Variants in YJU2B observed in about 807,000 individuals in gnomAD.
YJU2B encodes YJU2 splicing factor homolog B.
In YJU2B, 18 loss-of-function variants were observed where a neutral mutation model predicts 38.0. The observed-to-expected ratio is 0.47, with a 90% CI of 0.33 to 0.70. The LOEUF (loss-of-function observed/expected upper bound fraction) is 0.70, where lower values mean the gene tolerates loss of function less well. Ranked by LOEUF, YJU2B falls within the 30% of genes least tolerant of loss-of-function variation. The pLI is 0.02. For synonymous variants in YJU2B, 246 were observed against 225.4 expected (o/e 1.09, Z -0.82); for missense variants, 538 against 556.3 (o/e 0.97, Z 0.33).
upstream of YJU2B, among the ~76,000 whole-genome samples, chr19:13,745,694 T>TAGATAGATAGATAGATAG (rs1555699820): frequency 8.1e-5 from 3 of 37,138 alleles, no homozygotes; most frequent in Non-Finnish European, 1.6e-4. Flanking sequence ...TAGATAGATA[T>TAGATAGATAGATAGATAG]AGATATATAG....
At chr19:13,758,829 G>A in intron 6 of YJU2B, 39 bp from the exon 7 acceptor site, 1 of 1,611,788 alleles carries the variant, frequency 6.2e-7, no homozygotes, top group Non-Finnish European at 8.5e-7. Context: ...CTGGTGCACA[G>A]CCACAGCCTC....
upstream of YJU2B, among the ~76,000 whole-genome samples, chr19:13,747,052 A>T (rs1259502318): frequency 6.6e-6 from 1 of 152,208 alleles, no homozygotes; most frequent in African/African-American, 2.4e-5. Context: ...CTTGCAGGTA[A>T]TAAAAGTTGT....
intron 1 of YJU2B, among the ~76,000 whole-genome samples, chr19:13,748,934 G>A (rs906209590): frequency 6.6e-6 from 1 of 151,884 alleles, no homozygotes; most frequent in Non-Finnish European, 1.5e-5. Context: ...TTATATCCGG[G>A]ACTTTGCACC....
chr19:13,745,389 G>A (rs572335904), upstream of YJU2B, among the ~76,000 whole-genome samples: 173 of 152,090 alleles, frequency 1.1e-3, no homozygotes, highest in African/African-American at 4.1e-3. Context: ...GAGGCCGGGC[G>A]CAGTGGCTCA....
chr19:13,755,233 CAGGTGGA>C (rs1259635407), intron 3 of YJU2B, among the ~76,000 whole-genome samples: 2 of 150,908 alleles, frequency 1.3e-5, no homozygotes, highest in African/African-American at 4.9e-5. Context: ...GAGGCCAAGG[CAGGTGGA>C]TCACCAGGTC....
chr19:13,743,759 G>A (rs139428331), upstream of YJU2B, among the ~76,000 whole-genome samples: 318 of 150,460 alleles, frequency 2.1e-3, 2 homozygotes, highest in African/African-American at 7.2e-3. Flanking sequence ...CGGATGCGGT[G>A]GCACATGCCT....
chr19:13,758,758 T>C, intron 6 of YJU2B, 110 bp from the exon 7 acceptor site: 1 of 1,329,298 alleles, frequency 7.5e-7, no homozygotes, highest in East Asian at 2.4e-5. Flanking sequence ...GGGTGCTCAG[T>C]GAATTTTTGT....
chr19:13,740,847 A>G (rs1050928162), intron 2 of YJU2B, among the ~76,000 whole-genome samples: 4 of 151,716 alleles, frequency 2.6e-5, no homozygotes, highest in African/African-American at 9.7e-5. Flanking sequence ...AGACATTTTT[A>G]TATTTGGTTT....
At position 13,762,926 on chromosome 19, in the gene YJU2B, G is replaced by A; in HGVS notation, c.1049G>A (p.Arg350Lys). Residue 350 changes from arginine (R) to lysine (K), a missense_variant, in exon 10 of 10, where the codon AGG (arginine) becomes AAG (lysine). Around this residue, in one of 2 missense-constraint regions of YJU2B, gnomAD observed 488 missense variants for 469.5 expected, o/e 1.04. Transcript: ENST00000221554. Reference protein sequence around the residue: ...TTETPKCSSPRGQEGSRQDKP... With the variant: ...TTETPKCSSPKGQEGSRQDKP... ...GAGACCCCCAAGTGCAGCAGCCCGA[G>A]GGGGCAGGAAGGGAGCCGTCAGGAC... is the stretch of plus-strand genomic sequence containing the variant. 6.2e-7 allele frequency: 1 copy of A among 1,611,976 alleles called. No homozygotes were observed. Among genetic ancestry groups the A allele is most frequent in the Non-Finnish European group, 8.5e-7 (1 of 1,179,778 alleles).
chr19:13,747,109 C>A (rs574336497), upstream of YJU2B, among the ~76,000 whole-genome samples: 9 of 152,270 alleles, frequency 5.9e-5, no homozygotes, highest in Non-Finnish European at 1.2e-4. Flanking sequence ...TGGTTTCACT[C>A]TTCCCTAGTT....
chr19:13,750,154 G>A lies in YJU2B; in HGVS notation c.-201-1454G>A, dbSNP rs145344626. Among the ~76,000 whole-genome samples, 153 of 152,306 alleles carry A rather than the reference G, an allele frequency of 1.0e-3. 1 individual carries two copies. The highest frequency in any genetic ancestry group is 2.7e-3 in the African/African-American group (111 of 41,576). On this transcript the variant is annotated intron_variant, in intron 1 of 9. Coordinates refer to ENST00000221554, the MANE Select transcript of YJU2B (RefSeq NM_030818.4). ...TGACCTGCCGGGGGAGACATAAACC[G>A]ACACAGGGTGATATGATCAGAATTC... is the stretch of plus-strand genomic sequence containing the variant.
intron 6 of YJU2B, 104 bp downstream of exon 6, chr19:13,757,950 C>G: frequency 1.0e-6 from 1 of 985,316 alleles, no homozygotes; most frequent in Non-Finnish European, 1.6e-6. Context: ...CTGCAGGACT[C>G]CTGGAAATCG....
chr19:13,736,117 G>A (rs1972938480), intron 2 of YJU2B, among the ~76,000 whole-genome samples: 1 of 151,902 alleles, frequency 6.6e-6, no homozygotes, highest in East Asian at 1.9e-4. Context: ...CCCAAGTCTG[G>A]AATATAGGAA....
intron 3 of YJU2B, 85 bp downstream of exon 3, chr19:13,754,427 G>C (rs1973587056): frequency 1.8e-6 from 2 of 1,138,718 alleles, no homozygotes; most frequent in Non-Finnish European, 2.7e-6. Flanking sequence ...GCTGCGGAAG[G>C]ATGGGTGGCC....
intron 2 of YJU2B, among the ~76,000 whole-genome samples, chr19:13,733,131 G>A (rs1228766436): frequency 1.3e-5 from 2 of 150,880 alleles, no homozygotes; most frequent in African/African-American, 4.9e-5. Context: ...GGGTTTCATG[G>A]TGTTAGCCAG....
At chr19:13,752,151 T>C (rs960918017) in intron 2 of YJU2B, among the ~76,000 whole-genome samples, 27 of 152,082 alleles carry the variant, frequency 1.8e-4, no homozygotes, top group African/African-American at 6.5e-4. Context: ...GACGGGGTTT[T>C]GCCATGTTGG....
chr19:13,744,885 C>G (rs551665732), upstream of YJU2B, among the ~76,000 whole-genome samples: 1 of 151,498 alleles, frequency 6.6e-6, no homozygotes, highest in Non-Finnish European at 1.5e-5. Context: ...CCCAGTTACT[C>G]GGGAGGCTGA....
chr19:13,747,813 C>A (rs1259592280), upstream of YJU2B: 1 of 152,320 alleles, frequency 6.6e-6, no homozygotes, highest in East Asian at 1.9e-4. Flanking sequence ...GGCGTATCGT[C>A]CTTCAGCCAA....
chr19:13,742,894 G>T (rs943447319), intron 2 of YJU2B, among the ~76,000 whole-genome samples: 1 of 152,126 alleles, frequency 6.6e-6, no homozygotes, highest in African/African-American at 2.4e-5. Context: ...CATTCCTGGG[G>T]ATCAGCGAGC....
Sources: allele counts gnomAD v4.1 joint callset (sites outside exome capture counted in the v4.1 genomes callset), GRCh38; gene constraint gnomAD v4.1.1; regional missense constraint gnomAD v4.1.1; transcripts MANE v1.5; gene names NCBI Gene and HGNC (gene_info 2026-07-23, HGNC 2026-07-21).